The following SAP130 variants were observed in gnomAD, a reference collection of about 807,000 sequenced individuals.
The protein encoded by SAP130 is Sin3A associated protein 130.
A neutral mutation model predicts 103.2 loss-of-function variants in SAP130; 16 were observed. That is an observed-to-expected ratio of 0.16 (90% confidence interval 0.10 to 0.24). The LOEUF (loss-of-function observed/expected upper bound fraction) is 0.24, where lower values mean the gene tolerates loss of function less well. Among genes scored for constraint, SAP130 ranks in the 10% least tolerant of loss-of-function variants. The probability of loss-of-function intolerance (pLI) is 1.00; values close to 1 mark genes in which losing one functional copy is unlikely to be tolerated. For missense variants in SAP130, 990 were observed against 1,359.7 expected (o/e 0.73, Z 4.28); for synonymous variants, 477 against 497.0 (o/e 0.96, Z 0.53).
Position 127,941,751 on chromosome 2 carries a change from G to A in SAP130, c.*255C>T. On this transcript the variant is annotated 3_prime_UTR_variant, in exon 21 of 21. Transcript: ENST00000643581. ...TCATTGCTTCCAACTGGTGGACACT[G>A]ATGCATCCGGAGTCACTTATGACAC... 1 of 467,408 alleles carries A rather than the reference G, an allele frequency of 2.1e-6. No homozygotes were observed. The highest frequency in any genetic ancestry group is 3.7e-6 in the Non-Finnish European group (1 of 267,182). The allele number at this position is 467,408 out of a possible 1,614,324, so 29.0% of individuals were successfully genotyped here.
intron 15 of SAP130, among the ~76,000 whole-genome samples, chr2:127,971,151 C>G (rs1404297302): frequency 6.6e-6 from 1 of 151,916 alleles, no homozygotes; most frequent in African/African-American, 2.4e-5. Flanking sequence ...TGGGGTTTCG[C>G]CATATTGCCC....
intron 2 of SAP130, among the ~76,000 whole-genome samples, chr2:128,019,735 A>G (rs1685025363): frequency 6.6e-6 from 1 of 152,158 alleles, no homozygotes; most frequent in Non-Finnish European, 1.5e-5. Context: ...AAAATACAAA[A>G]AAATAGCCAG....
chr2:128,023,777 A>G (rs1685309048), intron 2 of SAP130, among the ~76,000 whole-genome samples: 1 of 152,198 alleles, frequency 6.6e-6, no homozygotes, highest in Non-Finnish European at 1.5e-5. Context: ...ACTCCGTCTC[A>G]GAAAAAAAGA....
At chr2:127,951,969 T>C (rs1679524765) in intron 16 of SAP130, among the ~76,000 whole-genome samples, 1 of 152,184 alleles carries the variant, frequency 6.6e-6, no homozygotes, top group African/African-American at 2.4e-5. Context: ...ATCTCCACTG[T>C]GTCCCTATAT....
At chr2:127,977,963 C>A in intron 15 of SAP130, 22 bp downstream of exon 15, 3 of 1,509,466 alleles carry the variant, frequency 2.0e-6, no homozygotes, top group Non-Finnish European at 2.7e-6. Context: ...AGCAAGAGTG[C>A]GAAGAACACT....
At chr2:128,008,094 C>T (rs1684100420) in intron 7 of SAP130, among the ~76,000 whole-genome samples, 3 of 152,174 alleles carry the variant, frequency 2.0e-5, no homozygotes, top group African/African-American at 7.2e-5. Context: ...CTAGTGGTGC[C>T]CCGCCAGCTT....
chr2:127,957,142 A>T (rs576606220), intron 15 of SAP130, among the ~76,000 whole-genome samples: 83 of 152,106 alleles, frequency 5.5e-4, no homozygotes, highest in Non-Finnish European at 8.8e-4. Context: ...TTCTTAAAAA[A>T]TTTTTTTTAA....
chr2:128,022,023 C>T (rs758466519), intron 2 of SAP130, among the ~76,000 whole-genome samples: 23 of 152,166 alleles, frequency 1.5e-4, no homozygotes, highest in Non-Finnish European at 2.5e-4. Context: ...TAAGTGTTCG[C>T]AAAAGTATAC....
intron 18 of SAP130, among the ~76,000 whole-genome samples, chr2:127,948,880 T>C (rs577481703): frequency 6.6e-6 from 1 of 152,284 alleles, no homozygotes; most frequent in East Asian, 1.9e-4. Flanking sequence ...GTAGTGTGGC[T>C]TGAAATGCTA....
chr2:127,961,517 CTT>C (rs10709267), intron 15 of SAP130, among the ~76,000 whole-genome samples: 2,804 of 129,322 alleles, frequency 0.022, 65 homozygotes, highest in African/African-American at 0.062. Context: ...TCATACCTTG[CTT>C]TTTTTTTTTT....
rs557084365 is a variant in SAP130 at position 128,005,799 on chromosome 2, C to T, written c.869+4470G>A. ...GTAGCTGGGATTACAGGCATCCGGCCCCATGCCCAGCTGACAGACAGGGTT... is the reference window on the plus strand; with the variant it reads ...GTAGCTGGGATTACAGGCATCCGGCTCCATGCCCAGCTGACAGACAGGGTT... On this transcript the variant is annotated intron_variant, in intron 7 of 20. Coordinates refer to ENST00000643581, the MANE Select transcript of SAP130 (RefSeq NM_001330301.2). Among the ~76,000 whole-genome samples, 10 of 152,018 alleles carry T rather than the reference C, an allele frequency of 6.6e-5. No homozygotes were observed. In the East Asian group the frequency reaches 2.0e-3, roughly 30 times the overall value.
At position 127,989,261 on chromosome 2, in the gene SAP130, G is replaced by A. The variant is rs1682616277; in HGVS notation, c.1780+303C>T. On this transcript the variant is annotated intron_variant, in intron 13 of 20. Transcript: ENST00000643581. This position sits in a 1 kb window ranked among gnomAD's most constrained non-coding sequence, Gnocchi z 4.6. ...CTACAGGCCCCCGCCACCACGCCTG[G>A]CTAATTTTTTTGTATTTTTAGTAGA... Among the ~76,000 whole-genome samples, 1 of 151,758 alleles carries A rather than the reference G, an allele frequency of 6.6e-6. No individual in the cohort carries two copies. Among genetic ancestry groups the A allele is most frequent in the South Asian group, 2.1e-4 (1 of 4,794 alleles).
intron 15 of SAP130, among the ~76,000 whole-genome samples, chr2:127,976,158 G>A (rs1025816617): frequency 2.0e-5 from 3 of 152,114 alleles, no homozygotes; most frequent in African/African-American, 4.8e-5. Flanking sequence ...TCATTTTTAT[G>A]TTACTGCACT....
intron 15 of SAP130, among the ~76,000 whole-genome samples, chr2:127,976,022 GT>G: frequency 6.6e-6 from 1 of 152,158 alleles, no homozygotes; most frequent in Non-Finnish European, 1.5e-5. Flanking sequence ...TTTTTTGTGT[GT>G]TTTTAGTAGA....
chr2:127,995,625 T>C (rs1335054911), intron 11 of SAP130, among the ~76,000 whole-genome samples: 1 of 152,214 alleles, frequency 6.6e-6, no homozygotes, highest in Non-Finnish European at 1.5e-5. Context: ...ATATTAATAA[T>C]TGATTCAGCC....
rs142731692 is a variant in SAP130, at chr2:127,979,157, A to C, written c.1959-1068T>G. Among the ~76,000 whole-genome samples the C allele has an allele frequency of 9.1e-3, 1,383 of 152,322 alleles. 9 individuals are homozygous for C. The highest frequency in any genetic ancestry group is 0.012 in the Non-Finnish European group (810 of 68,036). On this transcript the variant is annotated intron_variant, in intron 14 of 20. Transcript: ENST00000643581. Reference sequence around the variant, plus strand: ...GAAAGGGAAGGGAGATTTGAGACACAGGTACGAGGGCAAGGCCATGTGACG... The same window carrying C: ...GAAAGGGAAGGGAGATTTGAGACACCGGTACGAGGGCAAGGCCATGTGACG...
chr2:127,964,658 T>TA (rs1366839204), intron 15 of SAP130, among the ~76,000 whole-genome samples: 1 of 149,906 alleles, frequency 6.7e-6, no homozygotes, highest in African/African-American at 2.5e-5. Flanking sequence ...CAAAAAAAAA[T>TA]AAAGGAAACA....
chr2:128,012,900 T>C (rs774980613), intron 6 of SAP130, 130 bp downstream of exon 6: 42 of 832,946 alleles, frequency 5.0e-5, no homozygotes, highest in Admixed American at 2.7e-4. Flanking sequence ...CACATGACAC[T>C]GTGCATCTTT....
chr2:128,019,561 C>A (rs374442182), intron 2 of SAP130, among the ~76,000 whole-genome samples: 8 of 152,272 alleles, frequency 5.3e-5, no homozygotes, highest in African/African-American at 1.7e-4. Context: ...TGAGCCACTG[C>A]ACCTGGCCTA....
Sources: allele counts gnomAD v4.1 joint callset (sites outside exome capture counted in the v4.1 genomes callset), GRCh38; gene constraint gnomAD v4.1.1; non-coding constraint Gnocchi (gnomAD v3.1); transcripts MANE v1.5; gene names NCBI Gene and HGNC (gene_info 2026-07-23, HGNC 2026-07-21).